Variants in KCNJ3 observed in about 807,000 individuals in gnomAD.
The protein encoded by KCNJ3 is G protein-activated inward rectifier potassium channel 1.
Under a neutral mutation model 39.2 loss-of-function variants are expected in KCNJ3, and 4 were observed. The ratio of observed to expected loss-of-function variants is 0.10; its 90% confidence interval spans 0.05 to 0.23. KCNJ3 has a LOEUF of 0.23. Ranked by LOEUF, KCNJ3 falls within the 10% of genes least tolerant of loss-of-function variation. The pLI is 1.00. For missense variants in KCNJ3, 276 were observed against 634.9 expected (o/e 0.43, Z 6.08); for synonymous variants, 230 against 237.4 (o/e 0.97, Z 0.29).
At chr2:154,732,307 T>C (rs1306238761) in intron 2 of KCNJ3, among the ~76,000 whole-genome samples, 1 of 152,148 alleles carries the variant, frequency 6.6e-6, no homozygotes, top group Non-Finnish European at 1.5e-5. Flanking sequence ...CACTGTTTCC[T>C]AATTAGAATA....
intron 2 of KCNJ3, among the ~76,000 whole-genome samples, chr2:154,806,096 T>C (rs934531224): frequency 6.6e-6 from 1 of 152,186 alleles, no homozygotes; most frequent in Non-Finnish European, 1.5e-5. Context: ...AATTATCTCA[T>C]TCAAAATGTA....
intron 2 of KCNJ3, among the ~76,000 whole-genome samples, chr2:154,769,048 CTT>C (rs1481383366): frequency 2.0e-5 from 3 of 152,162 alleles, no homozygotes; most frequent in Admixed American, 6.6e-5. Flanking sequence ...TATTCTGAGA[CTT>C]TGCTGAAGTT....
At chr2:154,775,407 A>T (rs1686315944) in intron 2 of KCNJ3, among the ~76,000 whole-genome samples, 1 of 152,112 alleles carries the variant, frequency 6.6e-6, no homozygotes, top group Admixed American at 6.5e-5. Context: ...ATTTTGCTAA[A>T]CCACTCATCT....
At chr2:154,730,151 T>C (rs1685426908) in intron 2 of KCNJ3, among the ~76,000 whole-genome samples, 2 of 152,068 alleles carry the variant, frequency 1.3e-5, no homozygotes, top group Admixed American at 1.3e-4. Flanking sequence ...CAGGGCTTTC[T>C]CCTGGAGAGA....
chr2:154,842,191 A>T (rs911758311), intron 2 of KCNJ3, among the ~76,000 whole-genome samples: 2 of 151,974 alleles, frequency 1.3e-5, no homozygotes, highest in African/African-American at 4.8e-5. Context: ...CCTTCATTTG[A>T]TTATTTATCC....
rs764224427 is a variant in KCNJ3 at position 154,854,863 on chromosome 2, C to T, written c.1056C>T (p.Pro352=). The T allele has an allele frequency of 1.9e-6, 3 of 1,613,902 alleles. No homozygotes were observed. In the East Asian group the frequency reaches 6.7e-5, roughly 36 times the overall value. ...AGTTCCATGCAACATTTGAAGTCCCCACCCCACCTTACAGTGTGAAAGAGC... is the reference window on the plus strand; with the variant it reads ...AGTTCCATGCAACATTTGAAGTCCCTACCCCACCTTACAGTGTGAAAGAGC... ...YSQFHATFEV[P]TPPYSVKEQE... is the part of the protein sequence containing the mutation. Residue 352 remains proline (P), a synonymous_variant, in exon 3 of 3, where the codon CCC becomes CCT. Coordinates refer to ENST00000295101, the MANE Select transcript of KCNJ3 (RefSeq NM_002239.4).
At chr2:154,754,473 C>G (rs753204582) in intron 2 of KCNJ3, among the ~76,000 whole-genome samples, 2 of 152,190 alleles carry the variant, frequency 1.3e-5, no homozygotes, top group Non-Finnish European at 2.9e-5. Context: ...TGGGGTTTCA[C>G]TGTGTTGGCC....
intron 2 of KCNJ3, among the ~76,000 whole-genome samples, chr2:154,760,431 T>C (rs2105188332): frequency 6.6e-6 from 1 of 152,304 alleles, no homozygotes; most frequent in Non-Finnish European, 1.5e-5. Context: ...CCCTTCAGTT[T>C]ATTATTAAAT....
chr2:154,725,256 T>C (rs1427294574), intron 2 of KCNJ3, among the ~76,000 whole-genome samples: 1 of 150,582 alleles, frequency 6.6e-6, no homozygotes, highest in Admixed American at 6.6e-5. Flanking sequence ...TCTCCAAACT[T>C]CTCTTCTATA....
intron 1 of KCNJ3, among the ~76,000 whole-genome samples, chr2:154,707,686 A>G (rs1558851960): frequency 6.6e-6 from 1 of 152,138 alleles, no homozygotes; most frequent in East Asian, 1.9e-4. Context: ...CAACAATGCC[A>G]TGTAGTTCAG....
In KCNJ3 at chr2:154,709,738, T is replaced by A. The variant is rs139118745; in HGVS notation, c.838T>A (p.Phe280Ile). Residue 280 changes from phenylalanine to isoleucine, a missense_variant, in exon 2 of 3, where the codon TTT becomes ATT. This residue lies in a region of KCNJ3 where 77 missense variants were observed against 200.0 expected (regional missense o/e 0.38). Coordinates refer to ENST00000295101, the MANE Select transcript of KCNJ3 (RefSeq NM_002239.4). ...CCACGTGATCGATGCCAAAAGCCCC[T>A]TTTATGACCTATCCCAGCGAAGCAT... Reference protein sequence around the residue: ...ICHVIDAKSPFYDLSQRSMQT... With the variant: ...ICHVIDAKSPIYDLSQRSMQT... 2.8e-5 allele frequency: 45 copies of A among 1,613,962 alleles called. No individual in the cohort carries two copies. The highest frequency in any genetic ancestry group is 8.3e-5 in the Admixed American group (5 of 60,008).
intron 2 of KCNJ3, among the ~76,000 whole-genome samples, chr2:154,726,989 A>T (rs1034066458): frequency 5.9e-5 from 9 of 152,052 alleles, no homozygotes; most frequent in Non-Finnish European, 1.2e-4. Flanking sequence ...CATAAGAATG[A>T]TCAGTGGACT....
chr2:154,723,620 GTGTT>G (rs150992856), intron 2 of KCNJ3, among the ~76,000 whole-genome samples: 43,183 of 151,720 alleles, frequency 0.28, 6,378 homozygotes, highest in Non-Finnish European at 0.31. Context: ...ATTATGTTTT[GTGTT>G]TGTTTTGTCC....
At chr2:154,711,088 T>C (rs1159265107) in intron 2 of KCNJ3, among the ~76,000 whole-genome samples, 1 of 152,138 alleles carries the variant, frequency 6.6e-6, no homozygotes, top group Non-Finnish European at 1.5e-5. Context: ...GAAAAAAGAT[T>C]TAATGTATTA....
intron 2 of KCNJ3, among the ~76,000 whole-genome samples, chr2:154,767,412 A>T (rs1166919682): frequency 6.6e-6 from 1 of 151,804 alleles, no homozygotes; most frequent in African/African-American, 2.4e-5. Context: ...TTCAATTCCC[A>T]ACTATGAGTG....
chr2:154,793,339 T>C (rs1188117729), intron 2 of KCNJ3, among the ~76,000 whole-genome samples: 1 of 152,052 alleles, frequency 6.6e-6, no homozygotes, highest in Non-Finnish European at 1.5e-5. Flanking sequence ...AATCAAAGGT[T>C]ACTGCATAAA....
At chr2:154,744,884 A>G (rs1685713603) in intron 2 of KCNJ3, among the ~76,000 whole-genome samples, 1 of 151,916 alleles carries the variant, frequency 6.6e-6, no homozygotes. Flanking sequence ...TTTCCATCTC[A>G]GCACTGCTTT....
intron 2 of KCNJ3, among the ~76,000 whole-genome samples, chr2:154,731,672 T>C (rs1414683616): frequency 6.6e-6 from 1 of 151,724 alleles, no homozygotes; most frequent in East Asian, 1.9e-4. Flanking sequence ...CATATGAAAT[T>C]ACCTTTTCAA....
intron 2 of KCNJ3, among the ~76,000 whole-genome samples, chr2:154,835,523 A>T (rs1331102973): frequency 7.0e-6 from 1 of 141,866 alleles, no homozygotes; most frequent in Non-Finnish European, 1.5e-5. Flanking sequence ...ATATATATGA[A>T]TATATATTTT....
Sources: gnomAD v4.1 joint callset for allele counts (sites outside exome capture counted in the v4.1 genomes callset) on GRCh38, gnomAD v4.1.1 for gene constraint, gnomAD v4.1.1 regional missense constraint, MANE v1.5 for transcripts, NCBI Gene and HGNC (gene_info 2026-07-23, HGNC 2026-07-21) for gene names.